Variants in CCNB1 observed in about 807,000 individuals in gnomAD.
CCNB1 encodes the protein G2/mitotic-specific cyclin-B1.
In CCNB1, 26 loss-of-function variants were observed where a neutral mutation model predicts 44.4. That is an observed-to-expected ratio of 0.59 (90% CI 0.43 to 0.81). The LOEUF (loss-of-function observed/expected upper bound fraction) is 0.81, where lower values mean the gene tolerates loss of function less well. Among genes scored for constraint, CCNB1 ranks in the 40% least tolerant of loss-of-function variants. CCNB1 has a pLI of 0.00. For missense variants in CCNB1, 477 were observed against 520.9 expected (o/e 0.92, Z 0.82); for synonymous variants, 195 against 181.4 (o/e 1.08, Z -0.60).
At position 69,168,359 on chromosome 5, in the gene CCNB1, C is replaced by A. The variant is rs536091898; in HGVS notation, c.363+16C>A. On this transcript the variant is annotated intron_variant, in intron 3 of 8. Coordinates refer to ENST00000256442, the MANE Select transcript of CCNB1 (RefSeq NM_031966.4). Reference sequence around the variant, plus strand: ...GCCTATTTTGGTAAACTTATTCTTACCATTGTAGAGTCTGTTGATTATTTC... The same window carrying A: ...GCCTATTTTGGTAAACTTATTCTTAACATTGTAGAGTCTGTTGATTATTTC... The A allele has an allele frequency of 1.9e-6, 3 of 1,613,814 alleles. No individual in the cohort carries two copies. Among genetic ancestry groups the A allele is most frequent in the South Asian group, 1.1e-5 (1 of 91,058 alleles).
chr5:69,167,370 G>T, intron 1 of CCNB1, 87 bp downstream of exon 1: 1 of 1,510,204 alleles, frequency 6.6e-7, no homozygotes, highest in Non-Finnish European at 9.1e-7. Flanking sequence ...TCCCGAGCGG[G>T]AGAGGGCCGC....
At chr5:69,172,568 C>G (rs1045468823) in intron 4 of CCNB1, among the ~76,000 whole-genome samples, 2 of 151,660 alleles carry the variant, frequency 1.3e-5, no homozygotes, top group Non-Finnish European at 2.9e-5. Context: ...CCAGTTGTTT[C>G]TAATGTGTTG....
intron 2 of CCNB1, 32 bp from the exon 3 acceptor site, chr5:69,168,141 G>A: frequency 3.1e-6 from 5 of 1,611,836 alleles, no homozygotes; most frequent in Non-Finnish European, 4.2e-6. Context: ...CTTTGATGCA[G>A]AAACATTTCA....
At chr5:69,167,426 C>G in intron 1 of CCNB1, 143 bp downstream of exon 1, 1 of 846,052 alleles carries the variant, frequency 1.2e-6, no homozygotes, top group Non-Finnish European at 1.9e-6. Flanking sequence ...ACCAAGAGAG[C>G]GCCGAGGTGG....
At position 69,177,281 on chromosome 5, in the gene CCNB1, C is replaced by G; in HGVS notation, c.1126C>G (p.Leu376Val). Residue 376 changes from leucine (L) to valine (V), a missense_variant, in exon 8 of 9, where the codon CTT becomes GTT. Transcript: ENST00000256442. ...TTACCTGTCATATACTGAAGAATCT[C>G]TTCTTCCAGTTATGCAGCACCTGGC... The part of the protein sequence containing the change: ...QHYLSYTEES[L>V]LPVMQHLAKN... 1 of 1,612,526 alleles carries G rather than the reference C, an allele frequency of 6.2e-7. No individual in the cohort carries two copies. The highest frequency in any genetic ancestry group is 2.2e-5 in the East Asian group (1 of 44,878).
At chr5:69,172,263 G>A (rs1237501915) in intron 4 of CCNB1, among the ~76,000 whole-genome samples, 1 of 151,660 alleles carries the variant, frequency 6.6e-6, no homozygotes. Context: ...ATTTTTATTT[G>A]GTTTTGGTTT....
chr5:69,177,129 A>T, intron 7 of CCNB1, 110 bp from the exon 8 acceptor site: 1 of 588,680 alleles, frequency 1.7e-6, no homozygotes, highest in Non-Finnish European at 3.0e-6. Context: ...CAGTTATATT[A>T]ATTATACAGT....
Position 69,171,421 on chromosome 5 carries a change from A to G in CCNB1, c.515A>G (p.Lys172Arg). The stretch of plus-strand genomic sequence containing the variant: ...CCAAACCTTTGTAGTGAATATGTGA[A>G]AGATATTTATGCTTATCTGAGACAA... ...ADPNLCSEYV[K>R]DIYAYLRQLE... is the part of the protein sequence containing the mutation. Residue 172 changes from lysine to arginine, a missense_variant, in exon 4 of 9, where the codon AAA becomes AGA. Physicochemically the swap from Lys to Arg is conservative, Grantham distance 26 (BLOSUM62 2). Coordinates refer to ENST00000256442, the MANE Select transcript of CCNB1 (RefSeq NM_031966.4). 6.2e-7 allele frequency: 1 copy of G among 1,609,928 alleles called. No individual in the cohort carries two copies.
chr5:69,177,478 A>AT (rs3087333), intron 8 of CCNB1, 46 bp from the exon 9 acceptor site: 168,370 of 1,358,754 alleles, frequency 0.12, 11,705 homozygotes, highest in African/African-American at 0.25. Context: ...GCATCTTGTG[A>AT]TTTTTTTTCT....
intron 3 of CCNB1, among the ~76,000 whole-genome samples, chr5:69,169,555 AT>A (rs1347656445): frequency 6.6e-6 from 1 of 152,124 alleles, no homozygotes; most frequent in African/African-American, 2.4e-5. Flanking sequence ...CCTGTCTTTC[AT>A]TTAGCTAATA....
rs902961866 is a variant in CCNB1 at position 69,177,885 on chromosome 5, TG to T, written c.*257del. ...CCAATTGATGTATATGTTTATATAC[TG>T]GGTTCTTGTTTTATATACCTGGCTT... On this transcript the variant is annotated 3_prime_UTR_variant, in exon 9 of 9. Transcript: ENST00000256442. 5 of 348,190 alleles carry T rather than the reference TG, an allele frequency of 1.4e-5. No homozygotes were observed. The highest frequency in any genetic ancestry group is 1.1e-4 in the African/African-American group (5 of 47,596). 21.6% of individuals were successfully genotyped at this position (348,190 alleles called of 1,614,324 possible). A position where few individuals can be genotyped will look rare whatever the true frequency, so the allele number is the denominator to read the frequency against.
At position 69,167,234 on chromosome 5, in the gene CCNB1, C is replaced by T. The variant is rs1747352843; in HGVS notation, c.-29C>T. On this transcript the variant is annotated 5_prime_UTR_variant, in exon 1 of 9. Coordinates refer to ENST00000256442, the MANE Select transcript of CCNB1 (RefSeq NM_031966.4). ...GCCTCCGGTGTTCTGCTTCTCCCCG[C>T]TGAGCTGCTGCCTGGTGAAGAGGAA... The T allele has an allele frequency of 3.2e-6, 5 of 1,556,786 alleles. No individual in the cohort carries two copies. Among genetic ancestry groups the T allele is most frequent in the Non-Finnish European group, 3.5e-6 (4 of 1,150,980 alleles).
chr5:69,169,915 G>T (rs1747421968), intron 3 of CCNB1, among the ~76,000 whole-genome samples: 1 of 151,946 alleles, frequency 6.6e-6, no homozygotes, highest in Non-Finnish European at 1.5e-5. Flanking sequence ...CTCCCAAAGT[G>T]CTGGGATTAC....
rs148386248 is a variant in CCNB1 at position 69,174,906 on chromosome 5, G to A, written c.735G>A (p.Gln245=). The change falls in exon 6 of 9, where the codon CAG becomes CAA. Residue 245 remains glutamine (Q), a synonymous_variant. Coordinates refer to ENST00000256442, the MANE Select transcript of CCNB1 (RefSeq NM_031966.4). ...ATTGTGTGCCCAAGAAGATGCTGCA[G>A]CTGGTTGGTGTCACTGCCATGTTTA... ...QNNCVPKKML[Q]LVGVTAMFIA... The A allele has an allele frequency of 1.2e-6, 2 of 1,613,964 alleles. No homozygotes were observed. The highest frequency in any genetic ancestry group is 2.7e-5 in the African/African-American group (2 of 74,894).
chr5:69,177,504 G>A lies in CCNB1; in HGVS notation c.1195-20G>A. On this transcript the variant is annotated intron_variant, in intron 8 of 8. Transcript: ENST00000256442. ...TTTTTTTTCTTTTGCCTCTTTAATT[G>A]CTATCTTTTTGTCTTCCAGACTGTC... is the stretch of plus-strand genomic sequence containing the variant. 1 of 1,533,876 alleles carries A rather than the reference G, an allele frequency of 6.5e-7. No homozygotes were observed. The highest frequency in any genetic ancestry group is 1.1e-5 in the South Asian group (1 of 87,728).
At chr5:69,174,708 CA>C (rs892340410) in intron 5 of CCNB1, among the ~76,000 whole-genome samples, 168 bp from the exon 6 acceptor site, 12 of 146,904 alleles carry the variant, frequency 8.2e-5, no homozygotes, top group African/African-American at 7.5e-5. Flanking sequence ...GAGCGAGACT[CA>C]AAAAAAAAAG....
At chr5:69,175,982 A>AATATATATATATATATATATAT (rs68140968) in intron 7 of CCNB1, among the ~76,000 whole-genome samples, 32 of 116,374 alleles carry the variant, frequency 2.7e-4, no homozygotes, top group African/African-American at 6.8e-4. Context: ...AAATATATAA[A>AATATATATATATATATATATAT]ATATATATAT....
intron 3 of CCNB1, among the ~76,000 whole-genome samples, chr5:69,170,876 C>A (rs1472105482): frequency 2.6e-5 from 4 of 152,244 alleles, no homozygotes; most frequent in Admixed American, 6.5e-5. Flanking sequence ...CCTCAGCCAC[C>A]CAAAGTACTG....
intron 4 of CCNB1, among the ~76,000 whole-genome samples, chr5:69,172,883 C>G (rs999626259): frequency 2.7e-5 from 4 of 150,868 alleles, no homozygotes; most frequent in African/African-American, 9.7e-5. Context: ...ACGCCATTCT[C>G]CTGCCTCAGC....
Sources: gnomAD v4.1 joint callset for allele counts (sites outside exome capture counted in the v4.1 genomes callset) on GRCh38, gnomAD v4.1.1 for gene constraint, MANE v1.5 for transcripts, NCBI Gene and HGNC (gene_info 2026-07-23, HGNC 2026-07-21) for gene names.